The following RBFOX1 variants were observed in gnomAD, a reference collection of about 807,000 sequenced individuals.
RBFOX1 encodes the protein RNA binding fox-1 homolog 1.
A neutral mutation model predicts 57.7 loss-of-function variants in RBFOX1; 8 were observed. That is an observed-to-expected ratio of 0.14 (90% CI 0.08 to 0.25). RBFOX1 has a LOEUF of 0.25. Among genes scored for constraint, RBFOX1 ranks in the 10% least tolerant of loss-of-function variants. The pLI is 1.00. For missense variants in RBFOX1, 611 were observed against 548.5 expected (o/e 1.11, Z -1.14); for synonymous variants, 326 against 222.4 (o/e 1.47, Z -4.15).
At chr16:7,679,182 A>G (rs1299777356) in intron 14 of RBFOX1, among the ~76,000 whole-genome samples, 3 of 152,212 alleles carry the variant, frequency 2.0e-5, no homozygotes, top group African/African-American at 7.2e-5. Context: ...ACTTCCTTTT[A>G]TCTGTAATAA....
intron 2 of RBFOX1, among the ~76,000 whole-genome samples, chr16:6,373,955 A>G (rs2090839303): frequency 6.6e-6 from 1 of 152,206 alleles, no homozygotes; most frequent in African/African-American, 2.4e-5. Context: ...ACTTTCAGGA[A>G]CAGGAATGGA....
intron 11 of RBFOX1, among the ~76,000 whole-genome samples, chr16:7,635,000 G>C (rs1352428901): frequency 6.6e-6 from 1 of 152,208 alleles, no homozygotes; most frequent in Non-Finnish European, 1.5e-5. Context: ...GGGCAGGGCT[G>C]CTTGGTATGT....
intron 1 of RBFOX1, among the ~76,000 whole-genome samples, chr16:6,188,448 A>T (rs1442788884): frequency 1.3e-5 from 2 of 152,052 alleles, no homozygotes; most frequent in Non-Finnish European, 2.9e-5. Flanking sequence ...GGCTAAACAT[A>T]AAATACAGTG....
At chr16:6,609,218 C>G (rs1368485634) in intron 2 of RBFOX1, among the ~76,000 whole-genome samples, 1 of 152,196 alleles carries the variant, frequency 6.6e-6, no homozygotes, top group African/African-American at 2.4e-5. Flanking sequence ...TCCACAGCCA[C>G]TTTATAGATG....
chr16:6,171,383 A>G (rs2096959378), intron 1 of RBFOX1, among the ~76,000 whole-genome samples: 2 of 152,304 alleles, frequency 1.3e-5, no homozygotes, highest in Admixed American at 1.3e-4. Flanking sequence ...CTTTCAATGC[A>G]TAAGGAGTTC....
chr16:5,278,600 AT>A (rs2063197463), intron 1 of RBFOX1, among the ~76,000 whole-genome samples: 1 of 152,184 alleles, frequency 6.6e-6, no homozygotes, highest in Non-Finnish European at 1.5e-5. Flanking sequence ...TGCAGAAGGT[AT>A]TTAGTTTAAT....
Position 7,051,907 on chromosome 16 carries a change from C to G in RBFOX1, c.-15-150C>G, listed in dbSNP as rs143733134. The G allele has an allele frequency of 3.5e-4, 414 of 1,183,944 alleles. 1 individual carries two copies. The African/African-American group carries it at 4.6e-3, about 13-fold the overall frequency. The allele number at this position is 1,183,944 out of a possible 1,614,324, so 73.3% of individuals were successfully genotyped here. On this transcript the variant is annotated intron_variant, in intron 3 of 15. Coordinates refer to ENST00000550418, the MANE Select transcript of RBFOX1 (RefSeq NM_018723.4). ...AATTGAACTCCAAGTGAAGCTTGAG[C>G]TATGTAGACCTAAAGAAAAATTAAA...
At chr16:7,197,440 G>GA (rs57893229) in intron 4 of RBFOX1, among the ~76,000 whole-genome samples, 20,434 of 91,142 alleles carry the variant, frequency 0.22, 2,429 homozygotes, top group East Asian at 0.38. Flanking sequence ...CCTGTGAGTG[G>GA]AAAAAAAAAA....
chr16:7,639,767 G>A (rs1440612000), intron 11 of RBFOX1, among the ~76,000 whole-genome samples: 1 of 152,096 alleles, frequency 6.6e-6, no homozygotes, highest in African/African-American at 2.4e-5. Context: ...ACTGTAGACA[G>A]GTGCCCTTTG....
At chr16:7,194,564 A>T (rs1324760416) in intron 4 of RBFOX1, among the ~76,000 whole-genome samples, 1 of 152,194 alleles carries the variant, frequency 6.6e-6, no homozygotes, top group African/African-American at 2.4e-5. Context: ...TCAATGCCTG[A>T]AACCATCTTT....
intron 2 of RBFOX1, among the ~76,000 whole-genome samples, chr16:5,497,051 C>T (rs2043024407): frequency 6.6e-6 from 1 of 152,026 alleles, no homozygotes; most frequent in Admixed American, 6.6e-5. Flanking sequence ...TTTACTTTCA[C>T]AATCGTTTTT....
chr16:7,019,592 A>AAT (rs1360526439), intron 3 of RBFOX1, among the ~76,000 whole-genome samples: 1 of 152,180 alleles, frequency 6.6e-6, no homozygotes, highest in Admixed American at 6.6e-5. Context: ...CTGTTCTGTG[A>AAT]ATACGTAGTT....
chr16:7,128,793 T>C (rs909699355), intron 4 of RBFOX1, among the ~76,000 whole-genome samples: 2 of 150,514 alleles, frequency 1.3e-5, no homozygotes, highest in Admixed American at 6.7e-5. Flanking sequence ...CTGTCTGACA[T>C]AATGGTAACT....
At chr16:5,841,777 C>T (rs2056632248) in intron 3 of RBFOX1, among the ~76,000 whole-genome samples, 1 of 152,170 alleles carries the variant, frequency 6.6e-6, no homozygotes, top group Admixed American at 6.5e-5. Context: ...CTGATGCAGC[C>T]CAGTTCTCAT....
chr16:6,310,175 C>A (rs1265311021), intron 1 of RBFOX1, among the ~76,000 whole-genome samples: 1 of 152,206 alleles, frequency 6.6e-6, no homozygotes, highest in African/African-American at 2.4e-5. Flanking sequence ...CGTGAGCCAC[C>A]ACACCCAGCC....
intron 1 of RBFOX1, among the ~76,000 whole-genome samples, chr16:6,210,794 T>C (rs1001715311): frequency 2.6e-5 from 4 of 152,162 alleles, no homozygotes; most frequent in Non-Finnish European, 5.9e-5. Context: ...CTCGTAATAA[T>C]GCCTGATTCT....
intron 4 of RBFOX1, among the ~76,000 whole-genome samples, chr16:5,930,083 T>G (rs2059017947): frequency 6.6e-6 from 1 of 150,616 alleles, no homozygotes. Flanking sequence ...TGGGAGGGGG[T>G]TTGCGTTTGT....
intron 4 of RBFOX1, among the ~76,000 whole-genome samples, chr16:5,918,245 G>A (rs1221052672): frequency 7.9e-5 from 12 of 152,016 alleles, no homozygotes; most frequent in Admixed American, 6.6e-4. Context: ...TCAGCCTCCC[G>A]AGTAGCTGGG....
At chr16:6,275,186 C>G (rs2075660926) in intron 1 of RBFOX1, among the ~76,000 whole-genome samples, 1 of 151,854 alleles carries the variant, frequency 6.6e-6, no homozygotes, top group African/African-American at 2.4e-5. Flanking sequence ...TGGCGGGCGC[C>G]TGTAGTCCCA....
Sources: gnomAD v4.1 joint callset for allele counts (sites outside exome capture counted in the v4.1 genomes callset) on GRCh38, gnomAD v4.1.1 for gene constraint, MANE v1.5 for transcripts, NCBI Gene and HGNC (gene_info 2026-07-23, HGNC 2026-07-21) for gene names.